DSCAM: variants seen among roughly 807,000 people sequenced by gnomAD.
DSCAM encodes cell adhesion molecule DSCAM.
A neutral mutation model predicts 217.7 loss-of-function variants in DSCAM; 47 were observed. The observed-to-expected ratio is 0.22, with a 90% confidence interval of 0.17 to 0.28. The LOEUF (loss-of-function observed/expected upper bound fraction) is 0.28. DSCAM is among the 10% of genes least tolerant of loss of function. DSCAM has a pLI of 1.00. For synonymous variants in DSCAM, 1,056 were observed against 1,015.3 expected (o/e 1.04, Z -0.76); for missense variants, 2,080 against 2,618.3 (o/e 0.79, Z 4.49).
intron 11 of DSCAM, among the ~76,000 whole-genome samples, chr21:40,241,197 A>G (rs978889870): frequency 3.3e-5 from 5 of 152,226 alleles, no homozygotes; most frequent in Non-Finnish European, 5.9e-5. Context: ...CAGAGTAAAG[A>G]GACAACCTAC....
chr21:40,550,216 T>C (rs10211949), intron 3 of DSCAM, among the ~76,000 whole-genome samples: 85,837 of 151,894 alleles, frequency 0.57, 24,598 homozygotes, highest in South Asian at 0.62. Context: ...TTCTGCTGTT[T>C]AGCCATCTAC....
chr21:40,679,917 C>G (rs949892170), intron 3 of DSCAM, among the ~76,000 whole-genome samples: 2 of 152,102 alleles, frequency 1.3e-5, no homozygotes, highest in African/African-American at 4.8e-5. Context: ...CCTAACAAGC[C>G]TCACACAAAC....
chr21:40,558,759 A>G (rs556329713), intron 3 of DSCAM, among the ~76,000 whole-genome samples: 2 of 152,276 alleles, frequency 1.3e-5, no homozygotes, highest in South Asian at 4.1e-4. Flanking sequence ...TGTTATTTTT[A>G]CCAAGTTTTT....
intron 16 of DSCAM, among the ~76,000 whole-genome samples, chr21:40,156,460 G>T (rs539564304): frequency 5.3e-5 from 8 of 152,196 alleles, no homozygotes; most frequent in Non-Finnish European, 1.0e-4. Flanking sequence ...GAAGGAGCCT[G>T]CCCACTGAAA....
chr21:40,512,708 T>C (rs974409527), intron 3 of DSCAM, among the ~76,000 whole-genome samples: 1 of 152,028 alleles, frequency 6.6e-6, no homozygotes, highest in South Asian at 2.1e-4. Flanking sequence ...TAGTACTGTA[T>C]AGTTATGCGC....
intron 32 of DSCAM, among the ~76,000 whole-genome samples, chr21:40,037,066 A>C (rs1339865544): frequency 6.7e-6 from 1 of 150,304 alleles, no homozygotes; most frequent in African/African-American, 2.5e-5. Context: ...TATCATACTG[A>C]ATGGGCAAAA....
chr21:40,238,777 G>A (rs2073110675), intron 11 of DSCAM, among the ~76,000 whole-genome samples: 1 of 152,138 alleles, frequency 6.6e-6, no homozygotes, highest in South Asian at 2.1e-4. Context: ...GCTCCCAGAG[G>A]TGACAGTGCA....
intron 16 of DSCAM, among the ~76,000 whole-genome samples, 181 bp downstream of exon 16, chr21:40,167,037 C>A (rs1256229024): frequency 2.6e-5 from 4 of 150,990 alleles, no homozygotes; most frequent in African/African-American, 9.7e-5. Flanking sequence ...ACAGAATTTG[C>A]TGTAAAAGTA....
At chr21:40,429,428 G>T (rs2075509155) in intron 3 of DSCAM, among the ~76,000 whole-genome samples, 1 of 151,972 alleles carries the variant, frequency 6.6e-6, no homozygotes, top group African/African-American at 2.4e-5. Context: ...CACCACGCCT[G>T]GCTAATTTTT....
At chr21:40,703,801 A>C (rs1174394608) in intron 2 of DSCAM, among the ~76,000 whole-genome samples, 1 of 152,088 alleles carries the variant, frequency 6.6e-6, no homozygotes, top group East Asian at 1.9e-4. Context: ...GCATTTTTCC[A>C]CTTCTTTTTA....
At chr21:40,250,663 C>G (rs189374943) in intron 11 of DSCAM, among the ~76,000 whole-genome samples, 2 of 152,324 alleles carry the variant, frequency 1.3e-5, no homozygotes, top group Non-Finnish European at 2.9e-5. Context: ...AAGACACTTT[C>G]CTGAAGTGGC....
intron 3 of DSCAM, among the ~76,000 whole-genome samples, chr21:40,602,772 A>G (rs1405289849): frequency 6.6e-6 from 1 of 152,066 alleles, no homozygotes; most frequent in Non-Finnish European, 1.5e-5. Flanking sequence ...ATTTTTAAAG[A>G]ACCAGATTTT....
At chr21:40,817,172 A>G (rs1476554967) in intron 1 of DSCAM, among the ~76,000 whole-genome samples, 3 of 151,648 alleles carry the variant, frequency 2.0e-5, no homozygotes, top group African/African-American at 7.3e-5. Context: ...TCTAAGCCCC[A>G]TTTGTCTTAA....
At chr21:40,824,796 G>A (rs1164652149) in intron 1 of DSCAM, among the ~76,000 whole-genome samples, 1 of 152,062 alleles carries the variant, frequency 6.6e-6, no homozygotes, top group East Asian at 1.9e-4. Context: ...CACACCCGGG[G>A]ACTTCCCTCA....
chr21:40,604,955 G>T (rs978558372), intron 3 of DSCAM, among the ~76,000 whole-genome samples: 7 of 152,168 alleles, frequency 4.6e-5, no homozygotes, highest in Non-Finnish European at 1.0e-4. Context: ...CTTTCCTCAA[G>T]TTGGACAATG....
chr21:40,806,890 C>T (rs922404721), intron 1 of DSCAM, among the ~76,000 whole-genome samples: 7 of 152,194 alleles, frequency 4.6e-5, no homozygotes, highest in African/African-American at 1.4e-4. Flanking sequence ...TATTCTCACT[C>T]ACAGGTGGCA....
intron 1 of DSCAM, among the ~76,000 whole-genome samples, chr21:40,782,464 A>C (rs979190317): frequency 2.0e-4 from 31 of 152,198 alleles, no homozygotes; most frequent in African/African-American, 7.2e-4. Flanking sequence ...GCAGTGGCTC[A>C]AGCCTGAAAT....
chr21:40,437,637 G>A (rs2075594688), intron 3 of DSCAM, among the ~76,000 whole-genome samples: 1 of 152,096 alleles, frequency 6.6e-6, no homozygotes, highest in Non-Finnish European at 1.5e-5. Context: ...GATCACTCGA[G>A]GTTGGGAGTT....
Position 40,715,767 on chromosome 21 carries a change from C to T in DSCAM, c.44-6996G>A, listed in dbSNP as rs137985188. Among the ~76,000 whole-genome samples, 478 of 152,322 alleles carry T rather than the reference C, an allele frequency of 3.1e-3. 5 individuals carry two copies. Among genetic ancestry groups the T allele is most frequent in the African/African-American group, 0.01 (431 of 41,574 alleles). ...TGTTAGGAATGAGGTAACTGTCACT[C>T]TTCAAGGCTAATTAATTCCACCAGG... On this transcript the variant is annotated intron_variant, in intron 1 of 32. Coordinates refer to ENST00000400454, the MANE Select transcript of DSCAM (RefSeq NM_001389.5).
Sources: gnomAD v4.1 joint callset for allele counts (sites outside exome capture counted in the v4.1 genomes callset) on GRCh38, gnomAD v4.1.1 for gene constraint, MANE v1.5 for transcripts, NCBI Gene and HGNC (gene_info 2026-07-23, HGNC 2026-07-21) for gene names.